Variants in STK24 observed in about 807,000 individuals in gnomAD.
STK24 encodes serine/threonine-protein kinase 24.
STK24 carries 21 observed loss-of-function variants against 55.6 expected under a neutral mutation model. The ratio of observed to expected loss-of-function variants is 0.38; its 90% CI spans 0.27 to 0.54. The LOEUF is 0.54. Ranked by LOEUF, STK24 falls within the 20% of genes least tolerant of loss-of-function variation. STK24 has a pLI of 0.79. For synonymous variants in STK24, 200 were observed against 215.2 expected (o/e 0.93, Z 0.62); for missense variants, 383 against 538.4 (o/e 0.71, Z 2.86).
intron 1 of STK24, 83 bp downstream of exon 1, chr13:98,576,662 T>C: frequency 8.3e-6 from 10 of 1,208,744 alleles, no homozygotes; most frequent in Non-Finnish European, 1.1e-5. Flanking sequence ...CGGCTGAGCG[T>C]AGGGGGACGC....
At chr13:98,496,510 A>G (rs1004307400) in intron 2 of STK24, among the ~76,000 whole-genome samples, 1 of 152,212 alleles carries the variant, frequency 6.6e-6, no homozygotes, top group Non-Finnish European at 1.5e-5. Flanking sequence ...GGGTAACTCA[A>G]TGGCCACCAG....
chr13:98,484,791 C>G (rs1467936475), intron 2 of STK24, among the ~76,000 whole-genome samples: 7 of 152,184 alleles, frequency 4.6e-5, no homozygotes, highest in Non-Finnish European at 8.8e-5. Flanking sequence ...ACATCCAGAG[C>G]TCTCTACCCA....
chr13:98,559,834 C>T (rs1451538276), intron 1 of STK24, among the ~76,000 whole-genome samples: 1 of 151,500 alleles, frequency 6.6e-6, no homozygotes, highest in Non-Finnish European at 1.5e-5. Flanking sequence ...TCTCATATCT[C>T]ATATCACTGA....
intron 1 of STK24, 81 bp downstream of exon 1, chr13:98,576,664 G>A (rs1178221753): frequency 7.1e-6 from 9 of 1,264,136 alleles, no homozygotes; most frequent in Non-Finnish European, 9.6e-6. Flanking sequence ...GCTGAGCGTA[G>A]GGGGACGCCG....
chr13:98,481,318 G>A (rs898396843), intron 3 of STK24, among the ~76,000 whole-genome samples: 9 of 152,200 alleles, frequency 5.9e-5, no homozygotes, highest in African/African-American at 1.9e-4. Flanking sequence ...AGACCAGGAC[G>A]GTACAGCCAC....
chr13:98,469,503 A>G (rs116067159), intron 5 of STK24, among the ~76,000 whole-genome samples: 4,055 of 151,564 alleles, frequency 0.027, 169 homozygotes, highest in African/African-American at 0.093. Flanking sequence ...GAGCGAGATC[A>G]TAAGTCTGGG....
At chr13:98,532,671 G>A (rs1170367019) in intron 1 of STK24, among the ~76,000 whole-genome samples, 1 of 152,206 alleles carries the variant, frequency 6.6e-6, no homozygotes, top group Non-Finnish European at 1.5e-5. Context: ...GAAGCTCAAA[G>A]AATTGACAGA....
chr13:98,525,565 A>C (rs957086893), intron 1 of STK24, among the ~76,000 whole-genome samples: 1 of 152,166 alleles, frequency 6.6e-6, no homozygotes, highest in Non-Finnish European at 1.5e-5. Context: ...GCACTCAAAA[A>C]TATCAATTAG....
intron 9 of STK24, among the ~76,000 whole-genome samples, chr13:98,458,129 G>A (rs1566342861): frequency 6.6e-6 from 1 of 152,162 alleles, no homozygotes; most frequent in Non-Finnish European, 1.5e-5. Context: ...TAAATTCTGG[G>A]AATCTCCAGT....
chr13:98,468,106 G>T (rs1327839779), intron 5 of STK24, among the ~76,000 whole-genome samples: 3 of 152,304 alleles, frequency 2.0e-5, no homozygotes, highest in African/African-American at 7.2e-5. Flanking sequence ...CTATCCAGAG[G>T]ATACACTTAC....
chr13:98,480,333 A>G (rs1383424290), intron 3 of STK24, among the ~76,000 whole-genome samples: 1 of 152,264 alleles, frequency 6.6e-6, no homozygotes, highest in East Asian at 1.9e-4. Context: ...AATGTTGGAA[A>G]AAGAATCCCT....
At chr13:98,539,498 A>G (rs1185416612) in intron 1 of STK24, among the ~76,000 whole-genome samples, 1 of 152,160 alleles carries the variant, frequency 6.6e-6, no homozygotes, top group African/African-American at 2.4e-5. Context: ...AGTGCTTAAG[A>G]GAGTAGGCTT....
chr13:98,575,883 A>T, intron 1 of STK24: 2 of 332,948 alleles, frequency 6.0e-6, no homozygotes, highest in Non-Finnish European at 8.6e-6. Flanking sequence ...AAAAGCAACG[A>T]CAACGAAAAC....
In STK24 at chr13:98,447,849, A is replaced by AAAAAAAG. The variant is rs1237695043; in HGVS notation, c.*5323_*5324insCTTTTTT. On this transcript the variant is annotated 3_prime_UTR_variant, in exon 11 of 11. Transcript: ENST00000539966. ...GACAGAGCCAGACCCTGTCTCAAAA[A>AAAAAAAG]AAAAAGAAAAAGAAAAAAGGAAGGG... is the stretch of plus-strand genomic sequence containing the variant. 1.6e-4 allele frequency: 33 copies of AAAAAAAG among 209,148 alleles called. No individual in the cohort carries two copies. Among genetic ancestry groups the AAAAAAAG allele is most frequent in the Admixed American group, 1.5e-3 (28 of 18,150 alleles). 13.0% of individuals were successfully genotyped at this position (209,148 alleles called of 1,614,324 possible). A position where few individuals can be genotyped will look rare whatever the true frequency, so the allele number is the denominator to read the frequency against.
chr13:98,570,452 A>G (rs1470967458), intron 1 of STK24, among the ~76,000 whole-genome samples: 2 of 152,236 alleles, frequency 1.3e-5, no homozygotes, highest in African/African-American at 2.4e-5. Context: ...GAAGAGACTT[A>G]AAATAATAGG....
At chr13:98,492,044 T>C (rs1203311916) in intron 2 of STK24, among the ~76,000 whole-genome samples, 2 of 151,218 alleles carry the variant, frequency 1.3e-5, no homozygotes, top group Admixed American at 1.3e-4. Flanking sequence ...GGTGAAGAAA[T>C]AGATCAATTC....
rs756745734 is a variant in STK24, at chr13:98,450,898, G to A, written c.*2275C>T. ...CTACAGAAAGTAACAGCCCAGGAGAGAATGTACACAGAGGCGAGCTTTCTA... is the reference window on the plus strand; with the variant it reads ...CTACAGAAAGTAACAGCCCAGGAGAAAATGTACACAGAGGCGAGCTTTCTA... On this transcript the variant is annotated 3_prime_UTR_variant, in exon 11 of 11. Coordinates refer to ENST00000539966, the MANE Select transcript of STK24 (RefSeq NM_001032296.4). The A allele has an allele frequency of 2.0e-5, 3 of 152,192 alleles. No individual in the cohort carries two copies. The highest frequency in any genetic ancestry group is 6.5e-5 in the Admixed American group (1 of 15,284). 9.4% of individuals were successfully genotyped at this position (152,192 alleles called of 1,614,324 possible).
Position 98,452,964 on chromosome 13 carries a change from A to T in STK24, c.*209T>A. 2.1e-6 allele frequency: 1 copy of T among 482,154 alleles called. No individual in the cohort carries two copies. The highest frequency in any genetic ancestry group is 3.8e-5 in the Admixed American group (1 of 26,406). 29.9% of individuals were successfully genotyped at this position (482,154 alleles called of 1,614,324 possible). ...ATAAAATAAAATGATCGCTGGAAGGAGCTGACCCTCCCCACCCATCTGAGA... is the reference window on the plus strand; with the variant it reads ...ATAAAATAAAATGATCGCTGGAAGGTGCTGACCCTCCCCACCCATCTGAGA... On this transcript the variant is annotated 3_prime_UTR_variant, in exon 11 of 11. Transcript: ENST00000539966.
intron 3 of STK24, among the ~76,000 whole-genome samples, chr13:98,476,429 G>A (rs1894380768): frequency 6.6e-6 from 1 of 152,182 alleles, no homozygotes; most frequent in Non-Finnish European, 1.5e-5. Flanking sequence ...ACTTGACAGT[G>A]AATGTCTTCA....
Sources: allele counts gnomAD v4.1 joint callset (sites outside exome capture counted in the v4.1 genomes callset), GRCh38; gene constraint gnomAD v4.1.1; transcripts MANE v1.5; gene names NCBI Gene and HGNC (gene_info 2026-07-23, HGNC 2026-07-21).